Variants in DHRS3 observed in about 807,000 individuals in gnomAD.
DHRS3 encodes the protein short-chain dehydrogenase/reductase 3.
Under a neutral mutation model 27.2 loss-of-function variants are expected in DHRS3, and 14 were observed. That is an observed-to-expected ratio of 0.52 (90% confidence interval 0.34 to 0.81). The LOEUF (loss-of-function observed/expected upper bound fraction) is 0.81, where lower values mean the gene tolerates loss of function less well. Ranked by LOEUF, DHRS3 falls within the 30% of genes least tolerant of loss-of-function variation. The pLI, the probability that DHRS3 is intolerant of heterozygous loss-of-function variation, is 0.01. For synonymous variants in DHRS3, 165 were observed against 175.9 expected (o/e 0.94, Z 0.49); for missense variants, 322 against 406.2 (o/e 0.79, Z 1.78).
chr1:12,579,241 G>T (rs761195883), intron 3 of DHRS3, 52 bp downstream of exon 3: 2 of 1,613,456 alleles, frequency 1.2e-6, no homozygotes, highest in African/African-American at 2.7e-5. Flanking sequence ...CCTCCATCCT[G>T]CCTGGGCTCC....
chr1:12,612,491 G>A (rs1401659442), intron 1 of DHRS3, among the ~76,000 whole-genome samples: 1 of 152,058 alleles, frequency 6.6e-6, no homozygotes, highest in African/African-American at 2.4e-5. Flanking sequence ...GATTTCCCTT[G>A]TCACACCCCT....
chr1:12,591,050 G>A lies in DHRS3; in HGVS notation c.196-10384C>T, dbSNP rs1646741569. Among the ~76,000 whole-genome samples the A allele has an allele frequency of 6.6e-6, 1 of 152,232 alleles. No homozygotes were observed. The highest frequency in any genetic ancestry group is 2.4e-5 in the African/African-American group (1 of 41,454). On this transcript the variant is annotated intron_variant, in intron 1 of 5. Coordinates refer to ENST00000616661, the MANE Select transcript of DHRS3 (RefSeq NM_004753.7). This position sits in a 1 kb window ranked among gnomAD's most constrained non-coding sequence, Gnocchi z 4.1. ...GTCCCACTCAAGGCTGTTTCTAGGG[G>A]AGGAGACAGACATAGAGCTTCGGGT...
intron 1 of DHRS3, among the ~76,000 whole-genome samples, chr1:12,596,493 C>T (rs1019592447): frequency 6.6e-6 from 1 of 152,098 alleles, no homozygotes; most frequent in Non-Finnish European, 1.5e-5. Context: ...AAAAGTGTCC[C>T]GTTGGCCGCG....
chr1:12,579,349 T>G lies in DHRS3; in HGVS notation c.403A>C (p.Ser135Arg). ...AVVHGKSLMD[S>R]DDDALLKSQH... ...GACTTGAGGAGGGCATCATCATCAC[T>G]GTCCATTAGGCTCTTCCCATGGACC... is the stretch of plus-strand genomic sequence containing the variant. Residue 135 changes from serine (S) to arginine (R), a missense_variant, in exon 3 of 6, where the codon AGT becomes CGT. Physicochemically the swap from Ser to Arg is moderately radical, Grantham distance 110 (BLOSUM62 -1). Coordinates refer to ENST00000616661, the MANE Select transcript of DHRS3 (RefSeq NM_004753.7). The G allele has an allele frequency of 6.2e-7, 1 of 1,614,194 alleles. No individual in the cohort carries two copies. Among genetic ancestry groups the G allele is most frequent in the Non-Finnish European group, 8.5e-7 (1 of 1,180,022 alleles).
rs1296729687 is a variant in DHRS3, at chr1:12,593,960, G to A, written c.196-13294C>T. ...CACCTCCATCTGACTGCCCAGGGCCGCACTTGGCAAAACACGGAGGCAGAG... is the reference window on the plus strand; with the variant it reads ...CACCTCCATCTGACTGCCCAGGGCCACACTTGGCAAAACACGGAGGCAGAG... On this transcript the variant is annotated intron_variant, in intron 1 of 5. Coordinates refer to ENST00000616661, the MANE Select transcript of DHRS3 (RefSeq NM_004753.7). This position sits in a 1 kb window ranked among gnomAD's most constrained non-coding sequence, Gnocchi z 4.6. Among the ~76,000 whole-genome samples the A allele has an allele frequency of 5.9e-5, 9 of 152,284 alleles. No homozygotes were observed. The highest frequency in any genetic ancestry group is 2.6e-4 in the Admixed American group (4 of 15,298).
At chr1:12,612,531 G>C (rs12046693) in intron 1 of DHRS3, among the ~76,000 whole-genome samples, 26,327 of 151,932 alleles carry the variant, frequency 0.17, 2,642 homozygotes, top group East Asian at 0.37. Context: ...CTTCTTCAAG[G>C]CTCAGTCGAA....
chr1:12,584,085 C>T (rs921398326), intron 1 of DHRS3, among the ~76,000 whole-genome samples: 1 of 152,148 alleles, frequency 6.6e-6, no homozygotes, highest in African/African-American at 2.4e-5. Context: ...CTATGTGTAA[C>T]AGGACCATGG....
At chr1:12,575,264 T>G (rs546985379) in intron 4 of DHRS3, among the ~76,000 whole-genome samples, 2 of 151,652 alleles carry the variant, frequency 1.3e-5, no homozygotes, top group African/African-American at 4.8e-5. Flanking sequence ...GAGGCGGAGG[T>G]TGCAGTGAGC....
intron 1 of DHRS3, among the ~76,000 whole-genome samples, chr1:12,615,056 T>C (rs1646935622): frequency 6.6e-6 from 1 of 152,140 alleles, no homozygotes; most frequent in Non-Finnish European, 1.5e-5. Flanking sequence ...CACTCCTGGC[T>C]CTGGGGGTTT....
intron 1 of DHRS3, among the ~76,000 whole-genome samples, chr1:12,583,398 A>T (rs1273223381): frequency 8.1e-6 from 1 of 124,216 alleles, no homozygotes; most frequent in African/African-American, 3.2e-5. Context: ...CCATCCATCC[A>T]TCCATCCACT....
Position 12,580,569 on chromosome 1 carries a change from C to A in DHRS3, c.293G>T (p.Gly98Val). The change falls in exon 2 of 6, where the codon GGC (glycine) becomes GTC (valine). Residue 98 changes from glycine (G) to valine (V), a missense_variant. Physicochemically the swap from Gly to Val is moderately radical, Grantham distance 109. Transcript: ENST00000616661. ...TECHYFICDV[G>V]NREEVYQTAK... Reference sequence around the variant, plus strand: ...CGTCTGGTACACCTCCTCCCGGTTGCCCACATCACAGATGAAGTAATGGCA... The same window carrying A: ...CGTCTGGTACACCTCCTCCCGGTTGACCACATCACAGATGAAGTAATGGCA... 6.2e-7 allele frequency: 1 copy of A among 1,614,194 alleles called. No individual in the cohort carries two copies. The highest frequency in any genetic ancestry group is 8.5e-7 in the Non-Finnish European group (1 of 1,180,042).
chr1:12,604,823 G>T (rs955015445), intron 1 of DHRS3, among the ~76,000 whole-genome samples: 1 of 152,174 alleles, frequency 6.6e-6, no homozygotes, highest in Non-Finnish European at 1.5e-5. Flanking sequence ...GGCTGAGGCG[G>T]GTGGATCACA....
At chr1:12,605,617 T>C (rs1429971480) in intron 1 of DHRS3, among the ~76,000 whole-genome samples, 2 of 152,186 alleles carry the variant, frequency 1.3e-5, no homozygotes, top group Non-Finnish European at 2.9e-5. Flanking sequence ...ATTTGAGATT[T>C]TTTTTGCCCC....
intron 4 of DHRS3, among the ~76,000 whole-genome samples, chr1:12,577,027 G>A (rs946255099): frequency 2.0e-5 from 3 of 151,682 alleles, no homozygotes; most frequent in Non-Finnish European, 4.4e-5. Flanking sequence ...TAGTAACTAA[G>A]GCGTAATGAG....
chr1:12,573,266 G>C (rs181224104), intron 4 of DHRS3, among the ~76,000 whole-genome samples: 13 of 152,330 alleles, frequency 8.5e-5, no homozygotes, highest in African/African-American at 2.6e-4. Flanking sequence ...CTTTTTGCCA[G>C]CTCTCTCAAC....
rs1288217783 is a variant in DHRS3, at chr1:12,593,578, A to G, written c.196-12912T>C. Reference sequence around the variant, plus strand: ...TGTAAAATGCCCCAACCCCACAAACACCAGCTCTGATTTGATTTACAAATC... The same window carrying G: ...TGTAAAATGCCCCAACCCCACAAACGCCAGCTCTGATTTGATTTACAAATC... On this transcript the variant is annotated intron_variant, in intron 1 of 5. Transcript: ENST00000616661. The surrounding 1 kb of genome is among the most constrained non-coding windows in gnomAD (Gnocchi z 4.6). Among the ~76,000 whole-genome samples, 1 of 151,752 alleles carries G rather than the reference A, an allele frequency of 6.6e-6. No individual in the cohort carries two copies. Among genetic ancestry groups the G allele is most frequent in the East Asian group, 1.9e-4 (1 of 5,144 alleles).
In DHRS3 at chr1:12,617,899, G is replaced by A. The variant is rs1646956898; in HGVS notation, c.-551C>T. ...AAAAAGTGGGGGGAAAAAGTGCTTG[G>A]AGCTCCCAATTTCAGCCCGCGAAAG... is the stretch of plus-strand genomic sequence containing the variant. On this transcript the variant is annotated 5_prime_UTR_variant, in exon 1 of 6. Coordinates refer to ENST00000616661, the MANE Select transcript of DHRS3 (RefSeq NM_004753.7). Among the ~76,000 whole-genome samples the A allele has an allele frequency of 7.0e-6, 1 of 141,848 alleles. No individual in the cohort carries two copies. The highest frequency in any genetic ancestry group is 2.4e-4 in the South Asian group (1 of 4,238). The allele number at this position is 141,848 out of a possible 152,430, so 93.1% of individuals were successfully genotyped here. A position where few individuals can be genotyped will look rare whatever the true frequency, so the allele number is the denominator to read the frequency against.
rs757778854 is a variant in DHRS3 at position 12,574,738 on chromosome 1, C to T, written c.699-1885G>A. On this transcript the variant is annotated intron_variant, in intron 4 of 5. Coordinates refer to ENST00000616661, the MANE Select transcript of DHRS3 (RefSeq NM_004753.7). This position sits in a 1 kb window ranked among gnomAD's most constrained non-coding sequence, Gnocchi z 4.6. ...AAGCCGACAGAGGAGGCCTCAAGCA[C>T]GTCTGTGCGCAGGATTTTCTCCTTC... 2.8e-4 allele frequency among the ~76,000 whole-genome samples: 43 copies of T among 152,194 alleles called. No individual in the cohort carries two copies. The highest frequency in any genetic ancestry group is 5.0e-4 in the Non-Finnish European group (34 of 68,036).
Position 12,579,406 on chromosome 1 carries a change from C to T in DHRS3, c.346G>A (p.Asp116Asn). 1.9e-6 allele frequency: 3 copies of T among 1,613,874 alleles called. No homozygotes were observed. The highest frequency in any genetic ancestry group is 2.5e-6 in the Non-Finnish European group (3 of 1,179,826). ...TAKAVREKVG[D>N]ITILVNNAAV... ...GCATTGTTCACCAGGATGGTGATGT[C>T]ACCCACCTGCAGGCGAGAGGGAGCC... is the stretch of plus-strand genomic sequence containing the variant. Residue 116 changes from aspartate (D) to asparagine (N), a missense_variant, in exon 3 of 6, where the codon GAC becomes AAC. Coordinates refer to ENST00000616661, the MANE Select transcript of DHRS3 (RefSeq NM_004753.7).
Sources: gnomAD v4.1 joint callset for allele counts (sites outside exome capture counted in the v4.1 genomes callset) on GRCh38, gnomAD v4.1.1 for gene constraint, Gnocchi (gnomAD v3.1) non-coding constraint, MANE v1.5 for transcripts, NCBI Gene and HGNC (gene_info 2026-07-23, HGNC 2026-07-21) for gene names.